Variants in SLC25A13 observed in about 807,000 individuals in gnomAD.
SLC25A13 encodes electrogenic aspartate/glutamate antiporter SLC25A13, mitochondrial.
In SLC25A13, 70 loss-of-function variants were observed where a neutral mutation model predicts 85.5. The ratio of observed to expected loss-of-function variants is 0.82; its 90% confidence interval spans 0.68 to 1.00. The LOEUF (loss-of-function observed/expected upper bound fraction) is 1.00, where lower values mean the gene tolerates loss of function less well. Among genes scored for constraint, SLC25A13 ranks in the 50% least tolerant of loss-of-function variants. The pLI is 0.00. For missense variants in SLC25A13, 765 were observed against 819.8 expected (o/e 0.93, Z 0.82); for synonymous variants, 259 against 288.7 (o/e 0.90, Z 1.04).
At chr7:96,241,088 AAGAAAGAAAG>A (rs1796976028) in intron 3 of SLC25A13, among the ~76,000 whole-genome samples, 1 of 144,246 alleles carries the variant, frequency 6.9e-6, no homozygotes, top group South Asian at 2.3e-4. Context: ...GAAAGAAAGA[AAGAAAGAAAG>A]AAAGAAAGGC....
Position 96,189,439 on chromosome 7 carries a change from A to C in SLC25A13, c.849-61T>G. 1.9e-6 allele frequency: 3 copies of C among 1,575,506 alleles called. No homozygotes were observed. In the East Asian group the frequency reaches 6.7e-5, roughly 35 times the overall value. ...CCAATTTATTACAATTTACATTATA[A>C]AATTTAAAAACATCCCTTTTTTCAT... On this transcript the variant is annotated intron_variant, in intron 8 of 17. Transcript: ENST00000265631.
In SLC25A13 at chr7:96,215,732, T is replaced by C. The variant is rs540204006; in HGVS notation, c.329-6755A>G. Among the ~76,000 whole-genome samples, 5 of 152,096 alleles carry C rather than the reference T, an allele frequency of 3.3e-5. No individual in the cohort carries two copies. In the South Asian group the frequency reaches 8.3e-4, roughly 25 times the overall value. ...TTCAAGAAAATTTTAGAAAAAAATA[T>C]AGACATAATTTTTGTGATGTTGGAT... is the stretch of plus-strand genomic sequence containing the variant. On this transcript the variant is annotated intron_variant, in intron 4 of 17. Transcript: ENST00000265631.
chr7:96,253,833 T>C (rs1797524955), intron 3 of SLC25A13, among the ~76,000 whole-genome samples: 1 of 152,208 alleles, frequency 6.6e-6, no homozygotes, highest in African/African-American at 2.4e-5. Flanking sequence ...CCAAATAATG[T>C]AAACCTTAAA....
chr7:96,311,558 T>C (rs186408349), intron 1 of SLC25A13, among the ~76,000 whole-genome samples: 7 of 152,264 alleles, frequency 4.6e-5, no homozygotes, highest in South Asian at 4.1e-4. Flanking sequence ...GGAAAACCTA[T>C]AGATTAACAA....
At position 96,170,137 on chromosome 7, in the gene SLC25A13, A is replaced by G. The variant is rs1351665848; in HGVS notation, c.1231-12T>C. The G allele has an allele frequency of 6.2e-7, 1 of 1,610,592 alleles. No individual in the cohort carries two copies. Among genetic ancestry groups the G allele is most frequent in the Non-Finnish European group, 8.5e-7 (1 of 1,176,894 alleles). On this transcript the variant is annotated splice_polypyrimidine_tract_variant and intron_variant, in intron 12 of 17. Transcript: ENST00000265631. ...ACAAAATCGTTCACCTTGAAGAAAA[A>G]TATTTATAGAAGCTGATGAAAAATA...
At chr7:96,150,911 G>A (rs1030433146) in intron 13 of SLC25A13, among the ~76,000 whole-genome samples, 4 of 151,952 alleles carry the variant, frequency 2.6e-5, no homozygotes, top group Non-Finnish European at 5.9e-5. Context: ...GATTTTCAAT[G>A]GAGTTCAGTA....
intron 3 of SLC25A13, among the ~76,000 whole-genome samples, chr7:96,259,462 A>C (rs1319132490): frequency 6.6e-6 from 1 of 152,244 alleles, no homozygotes; most frequent in East Asian, 1.9e-4. Flanking sequence ...AAAAAAGCTC[A>C]TCATCACTGG....
chr7:96,284,561 C>T (rs1798813072), intron 2 of SLC25A13, among the ~76,000 whole-genome samples: 1 of 152,280 alleles, frequency 6.6e-6, no homozygotes, highest in East Asian at 1.9e-4. Flanking sequence ...TTACTTGAGA[C>T]TATATACTTC....
chr7:96,316,792 C>T (rs1231474130), intron 1 of SLC25A13, among the ~76,000 whole-genome samples: 1 of 152,074 alleles, frequency 6.6e-6, no homozygotes, highest in African/African-American at 2.4e-5. Context: ...GTCTGGTTTA[C>T]ACTGAGACAC....
intron 7 of SLC25A13, among the ~76,000 whole-genome samples, chr7:96,190,045 A>G (rs2116651183): frequency 6.6e-6 from 1 of 151,072 alleles, no homozygotes; most frequent in South Asian, 2.1e-4. Flanking sequence ...TTAGGTGGTT[A>G]TATTAATGAA....
chr7:96,312,019 T>C (rs1200036849), intron 1 of SLC25A13, among the ~76,000 whole-genome samples: 1 of 152,194 alleles, frequency 6.6e-6, no homozygotes, highest in African/African-American at 2.4e-5. Context: ...ATTAAAAGTA[T>C]TGAAAATGCA....
chr7:96,131,381 C>T (rs1361691111), intron 15 of SLC25A13, among the ~76,000 whole-genome samples: 1 of 152,010 alleles, frequency 6.6e-6, no homozygotes, highest in African/African-American at 2.4e-5. Flanking sequence ...TTTTTTTAGA[C>T]ATCTTTAAGA....
At chr7:96,272,167 C>T (rs1016984047) in intron 3 of SLC25A13, among the ~76,000 whole-genome samples, 2 of 152,142 alleles carry the variant, frequency 1.3e-5, no homozygotes, top group African/African-American at 2.4e-5. Flanking sequence ...GGATTACAGG[C>T]GTAAGCCACC....
chr7:96,184,184 C>T lies in SLC25A13; in HGVS notation c.1177+93G>A, dbSNP rs73403031. 3,471 of 1,452,800 alleles carry T rather than the reference C, an allele frequency of 2.4e-3. 70 individuals are homozygous for T. The African/African-American group carries it at 0.04, about 17-fold the overall frequency. 90.0% of individuals were successfully genotyped at this position (1,452,800 alleles called of 1,614,324 possible). On this transcript the variant is annotated intron_variant, in intron 11 of 17. Transcript: ENST00000265631. ...AAAATCTGCTGTATTTCCATTTTAACGCAGTCTTGCTAATTCATGTCAGGC... is the reference window on the plus strand; with the variant it reads ...AAAATCTGCTGTATTTCCATTTTAATGCAGTCTTGCTAATTCATGTCAGGC...
chr7:96,291,239 A>C (rs1342469273), intron 2 of SLC25A13, among the ~76,000 whole-genome samples: 1 of 152,220 alleles, frequency 6.6e-6, no homozygotes, highest in Admixed American at 6.5e-5. Flanking sequence ...AATGAGAACA[A>C]AGACACAACA....
intron 3 of SLC25A13, among the ~76,000 whole-genome samples, chr7:96,258,712 T>C (rs896424263): frequency 6.6e-6 from 1 of 152,152 alleles, no homozygotes; most frequent in African/African-American, 2.4e-5. Context: ...TAGAAAAAAC[T>C]ACTTTAAATT....
At chr7:96,206,557 C>G (rs1319346367) in intron 5 of SLC25A13, among the ~76,000 whole-genome samples, 1 of 152,144 alleles carries the variant, frequency 6.6e-6, no homozygotes, top group East Asian at 1.9e-4. Flanking sequence ...CCATTAATTC[C>G]TATAAGTCCG....
intron 3 of SLC25A13, among the ~76,000 whole-genome samples, chr7:96,253,105 A>C (rs1321921352): frequency 6.6e-6 from 1 of 152,164 alleles, no homozygotes; most frequent in Non-Finnish European, 1.5e-5. Flanking sequence ...AAAAAGAATC[A>C]ATGGGCAGAG....
At chr7:96,312,103 T>C in intron 1 of SLC25A13, among the ~76,000 whole-genome samples, 1 of 152,234 alleles carries the variant, frequency 6.6e-6, no homozygotes, top group Non-Finnish European at 1.5e-5. Context: ...CCACACTGCA[T>C]AGCAAGATAA....
Sources: gnomAD v4.1 joint callset for allele counts (sites outside exome capture counted in the v4.1 genomes callset) on GRCh38, gnomAD v4.1.1 for gene constraint, MANE v1.5 for transcripts, NCBI Gene and HGNC (gene_info 2026-07-23, HGNC 2026-07-21) for gene names.